The following ZNF714 variants were observed in gnomAD, a reference collection of about 807,000 sequenced individuals.
ZNF714 encodes the protein zinc finger protein 714.
A neutral mutation model predicts 46.2 loss-of-function variants in ZNF714; 32 were observed. The observed-to-expected ratio is 0.69, with a 90% CI of 0.52 to 0.93. ZNF714 has a LOEUF of 0.93. ZNF714 is among the 40% of genes least tolerant of loss of function. ZNF714 has a pLI of 0.00. For missense variants in ZNF714, 635 were observed against 646.3 expected (o/e 0.98, Z 0.19); for synonymous variants, 199 against 213.1 (o/e 0.93, Z 0.58).
chr19:21,101,841 G>T (rs1969188438), intron 4 of ZNF714, among the ~76,000 whole-genome samples: 1 of 152,164 alleles, frequency 6.6e-6, no homozygotes, highest in Non-Finnish European at 1.5e-5. Flanking sequence ...TTGGTCTGTA[G>T]CCAAAACCAG....
At chr19:21,091,164 G>A (rs2144829033) in intron 2 of ZNF714, 1 of 152,294 alleles carries the variant, frequency 6.6e-6, no homozygotes, top group South Asian at 2.1e-4. Flanking sequence ...TTACAGGCAT[G>A]AGCCACCACA....
At chr19:21,112,381 G>A (rs1969466749) in intron 4 of ZNF714, among the ~76,000 whole-genome samples, 1 of 146,734 alleles carries the variant, frequency 6.8e-6, no homozygotes, top group South Asian at 2.3e-4. Flanking sequence ...TGTGCACAGA[G>A]GTGTTTATAG....
chr19:21,124,235 C>T lies in ZNF714; in HGVS notation c.*5903C>T, dbSNP rs373986590. 5 of 152,120 alleles carry T rather than the reference C, an allele frequency of 3.3e-5. No homozygotes were observed. Among genetic ancestry groups the T allele is most frequent in the Non-Finnish European group, 5.9e-5 (4 of 68,028 alleles). 9.4% of individuals were successfully genotyped at this position (152,120 alleles called of 1,614,324 possible). On this transcript the variant is annotated 3_prime_UTR_variant, in exon 5 of 5. Transcript: ENST00000456283. ...ATACATATTTTTGATACTATTTAGC[C>T]AAGATTACCACAAAGATACAGTATT...
At chr19:21,082,745 G>A (rs979543184) in intron 1 of ZNF714, among the ~76,000 whole-genome samples, 2 of 152,072 alleles carry the variant, frequency 1.3e-5, no homozygotes, top group African/African-American at 2.4e-5. Flanking sequence ...GGGAGTCACC[G>A]TTAAAACACT....
At chr19:21,101,440 A>C (rs1401118454) in intron 4 of ZNF714, among the ~76,000 whole-genome samples, 1 of 152,146 alleles carries the variant, frequency 6.6e-6, no homozygotes, top group Non-Finnish European at 1.5e-5. Flanking sequence ...TTTTGGACAG[A>C]TTATTCTTTA....
intron 3 of ZNF714, 89 bp downstream of exon 3, chr19:21,098,400 T>A: frequency 6.8e-7 from 1 of 1,475,146 alleles, no homozygotes; most frequent in Non-Finnish European, 9.3e-7. Flanking sequence ...AATTTATGCT[T>A]TGTATAAATG....
In ZNF714 at chr19:21,116,878, C is replaced by T. The variant is rs1211857740; in HGVS notation, c.214C>T (p.Leu72=). 2 of 1,613,630 alleles carry T rather than the reference C, an allele frequency of 1.2e-6. No homozygotes were observed. The highest frequency in any genetic ancestry group is 1.7e-6 in the Non-Finnish European group (2 of 1,179,816). The change falls in exon 5 of 5, where the codon CTG becomes TTG. Residue 72 remains leucine (L), a synonymous_variant. Coordinates refer to ENST00000456283, the MANE Select transcript of ZNF714 (RefSeq NM_182515.4). ...AAAAGATTCTTTTCAACAAGTGATA[C>T]TGAGAAGACATGGCAAATGTGAACA... ...DIKDSFQQVI[L]RRHGKCEHEN...
At chr19:21,096,634 A>G (rs1599535732) in intron 2 of ZNF714, among the ~76,000 whole-genome samples, 1 of 152,176 alleles carries the variant, frequency 6.6e-6, no homozygotes, top group East Asian at 1.9e-4. Flanking sequence ...CTTATATGCA[A>G]TGCAGAATTC....
chr19:21,110,006 T>A (rs1420165532), intron 4 of ZNF714, among the ~76,000 whole-genome samples: 1 of 152,190 alleles, frequency 6.6e-6, no homozygotes, highest in East Asian at 1.9e-4. Flanking sequence ...AGATGGGCAT[T>A]TGGGTTGATG....
Position 21,119,544 on chromosome 19 carries a change from A to C in ZNF714, c.*1212A>C, listed in dbSNP as rs991988853. On this transcript the variant is annotated 3_prime_UTR_variant, in exon 5 of 5. Coordinates refer to ENST00000456283, the MANE Select transcript of ZNF714 (RefSeq NM_182515.4). ...TTTTGTAGAGGAAAAACTCTGAAGC[A>C]CTTTCACACTTTGTTCAATATCAGG... The C allele has an allele frequency of 5.9e-5, 9 of 152,586 alleles. No homozygotes were observed. Among genetic ancestry groups the C allele is most frequent in the African/African-American group, 1.9e-4 (8 of 41,462 alleles). 9.5% of individuals were successfully genotyped at this position (152,586 alleles called of 1,614,324 possible).
At chr19:21,097,161 C>T (rs142254369) in intron 2 of ZNF714, among the ~76,000 whole-genome samples, 2,163 of 152,190 alleles carry the variant, frequency 0.014, 32 homozygotes, top group Non-Finnish European at 0.023. Flanking sequence ...CCACCACGCC[C>T]GGCCTGTTCA....
chr19:21,101,159 T>C (rs1466685069), intron 4 of ZNF714, among the ~76,000 whole-genome samples: 4 of 152,242 alleles, frequency 2.6e-5, no homozygotes, highest in Non-Finnish European at 5.9e-5. Context: ...CTTTCAGTGC[T>C]TCATTAAAAT....
At chr19:21,083,770 TTC>T (rs1968713028) in intron 1 of ZNF714, among the ~76,000 whole-genome samples, 1 of 152,120 alleles carries the variant, frequency 6.6e-6, no homozygotes, top group African/African-American at 2.4e-5. Flanking sequence ...TCCTTGTATC[TTC>T]TCTAGGTACA....
chr19:21,100,474 G>A (rs1258189200), intron 4 of ZNF714, among the ~76,000 whole-genome samples: 1 of 151,976 alleles, frequency 6.6e-6, no homozygotes, highest in African/African-American at 2.4e-5. Flanking sequence ...AGAGGTTGTG[G>A]TGAGCCAAGA....
chr19:21,110,488 G>T (rs1969426782), intron 4 of ZNF714, among the ~76,000 whole-genome samples: 1 of 152,068 alleles, frequency 6.6e-6, no homozygotes, highest in Admixed American at 6.6e-5. Flanking sequence ...GTAGACTCTG[G>T]ATATTAGCTT....
At position 21,117,950 on chromosome 19, in the gene ZNF714, A is replaced by C. The variant is rs774115840; in HGVS notation, c.1286A>C (p.Glu429Ala). The C allele has an allele frequency of 6.2e-7, 1 of 1,613,480 alleles. No homozygotes were observed. Among genetic ancestry groups the C allele is most frequent in the Admixed American group, 1.7e-5 (1 of 60,012 alleles). Residue 429 changes from glutamate (E) to alanine (A), a missense_variant, in exon 5 of 5, where the codon GAA becomes GCA. Physicochemically the swap from Glu to Ala is moderately radical, Grantham distance 107 (BLOSUM62 -1). Coordinates refer to ENST00000456283, the MANE Select transcript of ZNF714 (RefSeq NM_182515.4). The stretch of plus-strand genomic sequence containing the variant: ...GGAGAGAAACTCTACAAATGTGAAG[A>C]ATGTGGCAAAGCTTTTAACCGATCC... ...HTGEKLYKCE[E>A]CGKAFNRSSN...
At chr19:21,098,449 T>A in intron 3 of ZNF714, 138 bp downstream of exon 3, 1 of 1,140,780 alleles carries the variant, frequency 8.8e-7, no homozygotes, top group Non-Finnish European at 1.3e-6. Flanking sequence ...CTTGATGATT[T>A]GTCTCTGTAG....
chr19:21,097,248 AC>A (rs1444581326), intron 2 of ZNF714, among the ~76,000 whole-genome samples: 2 of 152,204 alleles, frequency 1.3e-5, no homozygotes, highest in Non-Finnish European at 2.9e-5. Context: ...TAAAGAAAGG[AC>A]TACTTAAAAT....
At chr19:21,089,471 A>G (rs1027408354) in intron 2 of ZNF714, among the ~76,000 whole-genome samples, 8 of 152,216 alleles carry the variant, frequency 5.3e-5, no homozygotes. Flanking sequence ...CTGGAGGGGA[A>G]GAGAATCAAC....
Sources: allele counts gnomAD v4.1 joint callset (sites outside exome capture counted in the v4.1 genomes callset), GRCh38; gene constraint gnomAD v4.1.1; transcripts MANE v1.5; gene names NCBI Gene and HGNC (gene_info 2026-07-23, HGNC 2026-07-21).